CPNE8: variants seen among roughly 807,000 people sequenced by gnomAD.
CPNE8 encodes the protein copine 8.
Under a neutral mutation model 81.5 loss-of-function variants are expected in CPNE8, and 45 were observed. The ratio of observed to expected loss-of-function variants is 0.55; its 90% confidence interval spans 0.44 to 0.71. The LOEUF is 0.71. Among genes scored for constraint, CPNE8 ranks in the 30% least tolerant of loss-of-function variants. CPNE8 has a pLI of 0.00. For missense variants in CPNE8, 594 were observed against 672.1 expected (o/e 0.88, Z 1.28); for synonymous variants, 252 against 226.3 (o/e 1.11, Z -1.02).
intron 10 of CPNE8, among the ~76,000 whole-genome samples, chr12:38,750,818 G>C (rs1268236663): frequency 1.3e-5 from 2 of 152,160 alleles, no homozygotes; most frequent in Admixed American, 1.3e-4. Context: ...TGAAGACTTT[G>C]GGGGACTGTT....
rs1201292064 is a variant in CPNE8 at position 38,902,254 on chromosome 12, A to AAAG, written c.98+3182_98+3183insCTT. ...GAAGGAAAGAAAGAAAGAAAGAAAG[A>AAAG]AAAAAGAAAGAAAGAAAAAGAAAAG... On this transcript the variant is annotated intron_variant, in intron 1 of 19. Transcript: ENST00000331366. 8.8e-4 allele frequency among the ~76,000 whole-genome samples: 59 copies of AAAG among 66,944 alleles called. 13 individuals are homozygous for AAAG. The highest frequency in any genetic ancestry group is 4.5e-3 in the African/African-American group (59 of 13,162). 43.9% of individuals were successfully genotyped at this position (66,944 alleles called of 152,430 possible). A position where few individuals can be genotyped will look rare whatever the true frequency, so the allele number is the denominator to read the frequency against.
At chr12:38,832,530 T>C (rs1361665079) in intron 5 of CPNE8, among the ~76,000 whole-genome samples, 1 of 152,162 alleles carries the variant, frequency 6.6e-6, no homozygotes, top group East Asian at 1.9e-4. Context: ...GCCAGATCAC[T>C]TCCCAGGCCT....
intron 6 of CPNE8, among the ~76,000 whole-genome samples, chr12:38,783,435 C>A (rs11169518): frequency 0.33 from 50,455 of 152,050 alleles, 9,877 homozygotes; most frequent in Non-Finnish European, 0.43. Context: ...TGCAGCTACA[C>A]TGTGGTGCTG....
intron 6 of CPNE8, among the ~76,000 whole-genome samples, chr12:38,807,527 G>T (rs1364294140): frequency 6.7e-6 from 1 of 150,172 alleles, no homozygotes; most frequent in Non-Finnish European, 1.5e-5. Context: ...AATAAATTGT[G>T]CTGGGAAAAC....
intron 6 of CPNE8, among the ~76,000 whole-genome samples, chr12:38,805,367 T>C (rs1942770880): frequency 3.9e-5 from 1 of 25,486 alleles, no homozygotes; most frequent in Non-Finnish European, 8.2e-5. Flanking sequence ...TGTAGGGACA[T>C]GGATGAAATT....
At chr12:38,677,649 T>C in intron 16 of CPNE8, 95 bp from the exon 17 acceptor site, 1 of 715,160 alleles carries the variant, frequency 1.4e-6, no homozygotes, top group Non-Finnish European at 2.5e-6. Flanking sequence ...CATTTTAATC[T>C]CAATAAAATA....
chr12:38,795,805 A>C (rs983602532), intron 6 of CPNE8, among the ~76,000 whole-genome samples: 1 of 152,066 alleles, frequency 6.6e-6, no homozygotes, highest in African/African-American at 2.4e-5. Context: ...GGCAATGTGA[A>C]TATATTTAAC....
chr12:38,725,999 G>A (rs1940687949), intron 11 of CPNE8, among the ~76,000 whole-genome samples: 2 of 152,106 alleles, frequency 1.3e-5, no homozygotes, highest in East Asian at 3.9e-4. Flanking sequence ...CAGATCATTA[G>A]GCATTAGATT....
chr12:38,796,782 C>T (rs1215146960), intron 6 of CPNE8, among the ~76,000 whole-genome samples: 2 of 152,180 alleles, frequency 1.3e-5, no homozygotes, highest in South Asian at 2.1e-4. Context: ...CAGGGAGTTC[C>T]CTTTCCTAGT....
intron 6 of CPNE8, among the ~76,000 whole-genome samples, chr12:38,810,222 C>T (rs1942905677): frequency 6.6e-6 from 1 of 152,176 alleles, no homozygotes; most frequent in East Asian, 1.9e-4. Context: ...CTGCATATGT[C>T]ATGAGGACTC....
Position 38,677,476 on chromosome 12 carries a change from G to T in CPNE8, c.1350C>A (p.Ala450=), listed in dbSNP as rs907872556. 5 of 1,609,136 alleles carry T rather than the reference G, an allele frequency of 3.1e-6. No individual in the cohort carries two copies. Among genetic ancestry groups the T allele is most frequent in the Middle Eastern group, 1.7e-4 (1 of 6,054 alleles). ...IVTDGVISDM[A]QTKESIVNAS... is the part of the protein sequence containing the mutation. ...CATTAACTATGGACTCCTTAGTCTG[G>T]GCCATATCTGAGATAACACCATCTG... The change falls in exon 17 of 20, where the codon GCC becomes GCA. Residue 450 remains alanine, a synonymous_variant. Transcript: ENST00000331366.
intron 6 of CPNE8, among the ~76,000 whole-genome samples, chr12:38,786,301 T>A (rs547817368): frequency 6.6e-6 from 1 of 152,250 alleles, no homozygotes; most frequent in South Asian, 2.1e-4. Flanking sequence ...TGTGTGAGGG[T>A]GCTGCCAAAA....
chr12:38,877,936 A>G (rs913404715), intron 1 of CPNE8, among the ~76,000 whole-genome samples: 3 of 152,094 alleles, frequency 2.0e-5, no homozygotes, highest in Non-Finnish European at 4.4e-5. Context: ...GGTCATAAAG[A>G]CCCTTCTGAT....
At chr12:38,898,310 G>GA (rs963689868) in intron 1 of CPNE8, among the ~76,000 whole-genome samples, 5 of 150,872 alleles carry the variant, frequency 3.3e-5, no homozygotes, top group Admixed American at 6.6e-5. Context: ...GTATTTCTCT[G>GA]AAAAAAAAAT....
intron 6 of CPNE8, among the ~76,000 whole-genome samples, chr12:38,828,706 A>G (rs1057161699): frequency 5.3e-5 from 8 of 152,318 alleles, no homozygotes; most frequent in Admixed American, 5.2e-4. Flanking sequence ...TTCTTTCTAG[A>G]TCTTCTGAAT....
intron 10 of CPNE8, among the ~76,000 whole-genome samples, chr12:38,733,440 C>T (rs1719855): frequency 0.55 from 83,815 of 151,634 alleles, 23,707 homozygotes; most frequent in East Asian, 0.81. Context: ...TACTGTAATA[C>T]TGAAACAATT....
chr12:38,798,732 C>A (rs919727272), intron 6 of CPNE8, among the ~76,000 whole-genome samples: 1 of 151,974 alleles, frequency 6.6e-6, no homozygotes, highest in Non-Finnish European at 1.5e-5. Context: ...CTAAATGCTC[C>A]AATTGAAAGA....
chr12:38,886,667 A>C (rs1414680787), intron 1 of CPNE8, among the ~76,000 whole-genome samples: 1 of 152,186 alleles, frequency 6.6e-6, no homozygotes, highest in Non-Finnish European at 1.5e-5. Context: ...TGCTCCTCCA[A>C]GTTCCTTTTG....
chr12:38,678,606 C>A (rs981049340), intron 16 of CPNE8, among the ~76,000 whole-genome samples: 2 of 151,788 alleles, frequency 1.3e-5, no homozygotes, highest in Non-Finnish European at 2.9e-5. Flanking sequence ...AAGTTGGTGA[C>A]AAACAAATAG....
Sources: gnomAD v4.1 joint callset for allele counts (sites outside exome capture counted in the v4.1 genomes callset) on GRCh38, gnomAD v4.1.1 for gene constraint, MANE v1.5 for transcripts, NCBI Gene and HGNC (gene_info 2026-07-23, HGNC 2026-07-21) for gene names.